The following TENM4 variants were observed in gnomAD, a reference collection of about 807,000 sequenced individuals.
TENM4 encodes teneurin transmembrane protein 4, also known as teneurin-4.
TENM4 carries 82 observed loss-of-function variants against 243.3 expected under a neutral mutation model. The ratio of observed to expected loss-of-function variants is 0.34; its 90% CI spans 0.28 to 0.40. The LOEUF (loss-of-function observed/expected upper bound fraction) is 0.40. Among genes scored for constraint, TENM4 ranks in the 10% least tolerant of loss-of-function variants. TENM4 has a pLI of 1.00. For missense variants in TENM4, 3,138 were observed against 3,673.3 expected (o/e 0.85, Z 3.77); for synonymous variants, 1,412 against 1,456.3 (o/e 0.97, Z 0.69).
At chr11:79,242,635 C>T (rs145266764) in intron 2 of TENM4, among the ~76,000 whole-genome samples, 9 of 152,308 alleles carry the variant, frequency 5.9e-5, no homozygotes, top group East Asian at 5.8e-4. Context: ...TCATTTTTAA[C>T]GGCTACAAAA....
intron 28 of TENM4, among the ~76,000 whole-genome samples, chr11:78,697,387 G>A (rs997850380): frequency 5.9e-5 from 9 of 152,138 alleles, no homozygotes; most frequent in African/African-American, 1.9e-4. Context: ...GGAAACGCAC[G>A]AATTTACCTT....
At chr11:78,996,871 G>A (rs569636425) in intron 6 of TENM4, among the ~76,000 whole-genome samples, 11 of 152,280 alleles carry the variant, frequency 7.2e-5, no homozygotes, top group Admixed American at 2.0e-4. Flanking sequence ...TGTAAGGGCC[G>A]GGGCATGGTT....
intron 1 of TENM4, among the ~76,000 whole-genome samples, chr11:79,314,102 C>T (rs12576533): frequency 2.0e-5 from 3 of 151,990 alleles, no homozygotes; most frequent in Non-Finnish European, 4.4e-5. Context: ...TCATGAAGGC[C>T]TGGGTTCAAA....
intron 6 of TENM4, among the ~76,000 whole-genome samples, chr11:78,942,952 A>G (rs991339294): frequency 6.6e-5 from 10 of 152,094 alleles, no homozygotes; most frequent in Non-Finnish European, 4.4e-5. Context: ...GTGTCTTTCC[A>G]AGAGAAGCCC....
At chr11:78,738,313 G>T (rs1369614689) in intron 20 of TENM4, 138 bp downstream of exon 20, 2 of 1,161,514 alleles carry the variant, frequency 1.7e-6, no homozygotes, top group Admixed American at 5.3e-5. Flanking sequence ...TTAGTAAGTT[G>T]CAGAGCTGGG....
chr11:78,866,956 A>T (rs1354770581), intron 9 of TENM4, among the ~76,000 whole-genome samples: 1 of 152,200 alleles, frequency 6.6e-6, no homozygotes. Flanking sequence ...TTTAAAAAAA[A>T]TTTTAATTTT....
chr11:79,329,718 G>C (rs189623211), intron 1 of TENM4, among the ~76,000 whole-genome samples: 1 of 152,340 alleles, frequency 6.6e-6, no homozygotes, highest in East Asian at 1.9e-4. Flanking sequence ...ATACGAAGAA[G>C]GCCAGTGCAT....
At chr11:78,921,228 C>T (rs1856440567) in intron 6 of TENM4, among the ~76,000 whole-genome samples, 1 of 152,160 alleles carries the variant, frequency 6.6e-6, no homozygotes, top group African/African-American at 2.4e-5. Context: ...GTGTTGGGTC[C>T]CACCTATGGC....
chr11:78,684,332 T>C (rs918393564), intron 29 of TENM4, among the ~76,000 whole-genome samples: 10 of 152,360 alleles, frequency 6.6e-5, no homozygotes, highest in African/African-American at 2.2e-4. Flanking sequence ...AGGACAATAA[T>C]TGTACCCTGC....
At chr11:78,697,888 C>G (rs183025406) in intron 28 of TENM4, among the ~76,000 whole-genome samples, 21 of 152,192 alleles carry the variant, frequency 1.4e-4, no homozygotes, top group African/African-American at 4.6e-4. Context: ...GCCATCTGAC[C>G]AGGAGCTAAG....
At chr11:79,305,905 C>A (rs1856618593) in intron 1 of TENM4, among the ~76,000 whole-genome samples, 1 of 152,166 alleles carries the variant, frequency 6.6e-6, no homozygotes, top group East Asian at 1.9e-4. Context: ...CCACAGCAGC[C>A]CAAATCCTGA....
chr11:78,704,409 T>C (rs558332797), intron 27 of TENM4, among the ~76,000 whole-genome samples: 1 of 152,180 alleles, frequency 6.6e-6, no homozygotes, highest in South Asian at 2.1e-4. Context: ...GATGAAGCCA[T>C]TTTTAATAAT....
At chr11:78,970,225 C>T (rs1374998322) in intron 6 of TENM4, among the ~76,000 whole-genome samples, 1 of 152,078 alleles carries the variant, frequency 6.6e-6, no homozygotes, top group African/African-American at 2.4e-5. Flanking sequence ...AATAGACTAT[C>T]CTGCCAAAGA....
intron 3 of TENM4, among the ~76,000 whole-genome samples, chr11:79,163,914 GTATATATCCATATATATCA>G (rs1183017252): frequency 1.5e-5 from 2 of 137,838 alleles, no homozygotes; most frequent in African/African-American, 2.7e-5. Flanking sequence ...TCGTATATAG[GTATATATCCATATATATCA>G]TATATATCTA....
intron 6 of TENM4, among the ~76,000 whole-genome samples, chr11:79,055,785 T>A (rs1423534534): frequency 6.6e-6 from 1 of 152,194 alleles, no homozygotes; most frequent in African/African-American, 2.4e-5. Context: ...CCTAAGTAGC[T>A]GAGTTGGGAT....
intron 33 of TENM4, among the ~76,000 whole-genome samples, chr11:78,661,010 G>C (rs1858016084): frequency 6.6e-6 from 1 of 152,162 alleles, no homozygotes; most frequent in Non-Finnish European, 1.5e-5. Flanking sequence ...GTGGCACTGG[G>C]AAAGCCTCAG....
chr11:78,971,922 G>A (rs148102035), intron 6 of TENM4, among the ~76,000 whole-genome samples: 6 of 152,226 alleles, frequency 3.9e-5, no homozygotes, highest in Admixed American at 3.9e-4. Flanking sequence ...AGTGACGTGG[G>A]AAATAGGATA....
At position 79,069,911 on chromosome 11, in the gene TENM4, G is replaced by C. The variant is rs1287621114; in HGVS notation, c.34C>G (p.Leu12Val). The change falls in exon 5 of 34, where the codon CTG (leucine) becomes GTG (valine). Residue 12 changes from leucine to valine, a missense_variant. Around this residue, in one of 2 missense-constraint regions of TENM4, gnomAD observed 671 missense variants for 614.1 expected, o/e 1.09. Coordinates refer to ENST00000278550, the MANE Select transcript of TENM4 (RefSeq NM_001098816.3). ...DVKERKPYRSLTRRRDAERRY... is the reference protein window; with the variant it reads ...DVKERKPYRSVTRRRDAERRY... The stretch of plus-strand genomic sequence containing the variant: ...CGCTCGGCGTCGCGGCGCCGGGTCA[G>C]CGAGCGGTAAGGCTTCCTCTCCTTC... The C allele has an allele frequency of 5.2e-6, 8 of 1,547,444 alleles. No homozygotes were observed. The Admixed American group carries it at 1.6e-4, about 30-fold the overall frequency.
rs1160554052 is a variant in TENM4 at position 78,713,979 on chromosome 11, G to T, written c.3822-1265C>A. Among the ~76,000 whole-genome samples, 3 of 152,130 alleles carry T rather than the reference G, an allele frequency of 2.0e-5. No individual in the cohort carries two copies. The East Asian group carries it at 5.8e-4, about 29-fold the overall frequency. Reference sequence around the variant, plus strand: ...GGCAGCCCCTTCCAAGTCTCCGGAAGGTATTTTGATTCAAAGGAAGCTCTG... The same window carrying T: ...GGCAGCCCCTTCCAAGTCTCCGGAATGTATTTTGATTCAAAGGAAGCTCTG... On this transcript the variant is annotated intron_variant, in intron 25 of 33. Coordinates refer to ENST00000278550, the MANE Select transcript of TENM4 (RefSeq NM_001098816.3).
Sources: allele counts gnomAD v4.1 joint callset (sites outside exome capture counted in the v4.1 genomes callset), GRCh38; gene constraint gnomAD v4.1.1; regional missense constraint gnomAD v4.1.1; transcripts MANE v1.5; gene names NCBI Gene and HGNC (gene_info 2026-07-23, HGNC 2026-07-21).